MUC7: variants seen among roughly 807,000 people sequenced by gnomAD.
MUC7 encodes the protein mucin 7, secreted, also known as mucin-7.
Under a neutral mutation model 2.5 loss-of-function variants are expected in MUC7, and 2 were observed. That is an observed-to-expected ratio of 0.81 (90% CI 0.33 to 2.55). The LOEUF (loss-of-function observed/expected upper bound fraction) is 2.55, where lower values mean the gene tolerates loss of function less well. Among genes scored for constraint, MUC7 ranks in the 30% most tolerant of loss-of-function variants. MUC7 has a pLI of 0.11. For synonymous variants in MUC7, 133 were observed against 173.4 expected, an observed-to-expected ratio of 0.77 and a Z score of 1.83; for missense variants, 408 against 455.6, an observed-to-expected ratio of 0.90 and a Z score of 0.95.
At chr4:70,441,799 A>G (rs1448238224) in intron 1 of MUC7, among the ~76,000 whole-genome samples, 1 of 152,218 alleles carries the variant, frequency 6.6e-6, no homozygotes, top group African/African-American at 2.4e-5. Flanking sequence ...TGAATGATGA[A>G]AAAGACAATT....
At chr4:70,452,708 A>G (rs530004603) in intron 1 of MUC7, among the ~76,000 whole-genome samples, 2 of 152,314 alleles carry the variant, frequency 1.3e-5, no homozygotes, top group East Asian at 3.9e-4. Context: ...TCCATTTAAG[A>G]TATGAGCAGT....
intron 1 of MUC7, among the ~76,000 whole-genome samples, chr4:70,436,614 T>G (rs1414358249): frequency 6.6e-6 from 1 of 152,210 alleles, no homozygotes; most frequent in Non-Finnish European, 1.5e-5. Flanking sequence ...TTTTCAATGT[T>G]TTTAGCTTCC....
At chr4:70,438,694 A>G (rs1256706894) in intron 1 of MUC7, among the ~76,000 whole-genome samples, 1 of 151,966 alleles carries the variant, frequency 6.6e-6, no homozygotes, top group African/African-American at 2.4e-5. Context: ...CTGACCTCAG[A>G]TAATCCACCC....
In MUC7 at chr4:70,477,559, T is replaced by C. The variant is rs369434046; in HGVS notation, c.55-3240T>C. Among the ~76,000 whole-genome samples, 57 of 152,316 alleles carry C rather than the reference T, an allele frequency of 3.7e-4. 1 individual carries two copies. In the South Asian group the frequency reaches 0.012, roughly 32 times the overall value. The stretch of plus-strand genomic sequence containing the variant: ...TTCTGCTTTCTCATACCCTCCTTTC[T>C]TGCTGCAAGTGCCATGTGTCTCTCC... On this transcript the variant is annotated intron_variant, in intron 2 of 2. Coordinates refer to ENST00000304887, the MANE Select transcript of MUC7 (RefSeq NM_152291.3).
chr4:70,480,009 T>A lies in MUC7; in HGVS notation c.55-790T>A, dbSNP rs1016587691. Among the ~76,000 whole-genome samples the A allele has an allele frequency of 8.5e-5, 13 of 152,252 alleles. 1 individual carries two copies. Among genetic ancestry groups the A allele is most frequent in the Non-Finnish European group, 1.5e-4 (10 of 68,010 alleles). ...ATAGACTAGAAAGCCTTTCAGCAGG[T>A]GTATTGATAAAAGATCAAGTATCAG... On this transcript the variant is annotated intron_variant, in intron 2 of 2. Transcript: ENST00000304887.
intron 1 of MUC7, among the ~76,000 whole-genome samples, chr4:70,446,675 A>G (rs1182716762): frequency 6.6e-6 from 1 of 152,130 alleles, no homozygotes; most frequent in Non-Finnish European, 1.5e-5. Flanking sequence ...ATTTCAACAC[A>G]TCTTTTGGTG....
intron 1 of MUC7, among the ~76,000 whole-genome samples, chr4:70,447,693 T>A (rs1420778603): frequency 6.6e-6 from 1 of 152,156 alleles, no homozygotes; most frequent in Non-Finnish European, 1.5e-5. Context: ...GTGGGTTGCA[T>A]CAGATACTTT....
chr4:70,430,793 C>G (rs1733638529), intron 1 of MUC7: 2 of 152,106 alleles, frequency 1.3e-5, no homozygotes, highest in African/African-American at 2.4e-5. Context: ...ACTGGTAGAA[C>G]AGCATTTCTA....
chr4:70,462,637 G>T (rs547108443), intron 1 of MUC7, among the ~76,000 whole-genome samples: 2 of 152,252 alleles, frequency 1.3e-5, no homozygotes, highest in South Asian at 2.1e-4. Context: ...TGCATATATA[G>T]ACATAAATTA....
chr4:70,448,665 G>A (rs970905872), intron 1 of MUC7, among the ~76,000 whole-genome samples: 9 of 152,062 alleles, frequency 5.9e-5, no homozygotes, highest in Non-Finnish European at 1.2e-4. Flanking sequence ...ATATATTCAG[G>A]TTATTAATGC....
At chr4:70,461,395 A>G (rs1560552329) in intron 1 of MUC7, among the ~76,000 whole-genome samples, 1 of 152,192 alleles carries the variant, frequency 6.6e-6, no homozygotes, top group Non-Finnish European at 1.5e-5. Context: ...CTATATGCAG[A>G]TGATATCATG....
chr4:70,481,812 T>G lies in MUC7; in HGVS notation c.1068T>G (p.Ile356Met). ...CTTCAGCTCCTGGCCAAAATAAAAT[T>G]TCTCGATTTCTTTTATATATGAAGA... ...QPTSAPGQNK[I>M]SRFLLYMKNL... is the part of the protein sequence containing the mutation. Residue 356 changes from isoleucine (I) to methionine (M), a missense_variant, in exon 3 of 3, where the codon ATT (isoleucine) becomes ATG (methionine). By Grantham distance (10) the Ile-to-Met change is conservative. Around this residue, in one of 3 missense-constraint regions of MUC7, gnomAD observed 175 missense variants for 187.1 expected, o/e 0.94. Transcript: ENST00000304887. 2 of 1,614,126 alleles carry G rather than the reference T, an allele frequency of 1.2e-6. No individual in the cohort carries two copies. Among genetic ancestry groups the G allele is most frequent in the Non-Finnish European group, 1.7e-6 (2 of 1,179,996 alleles).
intron 1 of MUC7, among the ~76,000 whole-genome samples, chr4:70,465,911 C>A (rs757352111): frequency 3.3e-5 from 5 of 152,146 alleles, no homozygotes; most frequent in Non-Finnish European, 7.4e-5. Flanking sequence ...CACAAGGATA[C>A]TCATTGAGAA....
intron 1 of MUC7, among the ~76,000 whole-genome samples, chr4:70,433,620 T>C (rs1426746833): frequency 6.6e-6 from 1 of 152,186 alleles, no homozygotes; most frequent in Admixed American, 6.5e-5. Flanking sequence ...TTAAGGAGAT[T>C]TTGGGCTGAG....
chr4:70,435,218 T>C (rs1357232279), intron 1 of MUC7, among the ~76,000 whole-genome samples: 1 of 152,220 alleles, frequency 6.6e-6, no homozygotes, highest in Non-Finnish European at 1.5e-5. Context: ...AGATGTCTAT[T>C]AGATCCACTT....
intron 1 of MUC7, among the ~76,000 whole-genome samples, chr4:70,464,012 G>A (rs768214648): frequency 6.6e-6 from 1 of 152,190 alleles, no homozygotes; most frequent in South Asian, 2.1e-4. Context: ...AGATCAACAC[G>A]GAAGGTGGGT....
chr4:70,467,267 G>C (rs1213555535), upstream of MUC7, among the ~76,000 whole-genome samples: 1 of 152,182 alleles, frequency 6.6e-6, no homozygotes, highest in Non-Finnish European at 1.5e-5. Flanking sequence ...GCAGTGTTTG[G>C]AGGGAAATTT....
chr4:70,465,883 A>G (rs974480901), intron 1 of MUC7, among the ~76,000 whole-genome samples: 1 of 152,226 alleles, frequency 6.6e-6, no homozygotes, highest in Non-Finnish European at 1.5e-5. Flanking sequence ...ATTCAAATTC[A>G]GGAAATACAG....
upstream of MUC7, among the ~76,000 whole-genome samples, chr4:70,469,507 A>G (rs146648031): frequency 5.2e-3 from 793 of 152,334 alleles, 4 homozygotes; most frequent in South Asian, 0.014. Flanking sequence ...CAATCTATCC[A>G]TCTGACAAAA....
Sources: allele counts gnomAD v4.1 joint callset (sites outside exome capture counted in the v4.1 genomes callset), GRCh38; gene constraint gnomAD v4.1.1; regional missense constraint gnomAD v4.1.1; transcripts MANE v1.5; gene names NCBI Gene and HGNC (gene_info 2026-07-23, HGNC 2026-07-21).